Variants in PTPN3 observed in about 807,000 individuals in gnomAD.
The protein encoded by PTPN3 is tyrosine-protein phosphatase non-receptor type 3.
A neutral mutation model predicts 132.7 loss-of-function variants in PTPN3; 96 were observed. The ratio of observed to expected loss-of-function variants is 0.72; its 90% CI spans 0.61 to 0.86. The LOEUF is 0.86. Among genes scored for constraint, PTPN3 ranks in the 40% least tolerant of loss-of-function variants. The probability of loss-of-function intolerance (pLI) is 0.00; values close to 1 mark genes in which losing one functional copy is unlikely to be tolerated. For missense variants in PTPN3, 1,125 were observed against 1,159.6 expected (o/e 0.97, Z 0.43); for synonymous variants, 398 against 429.0 (o/e 0.93, Z 0.89).
At chr9:109,459,715 T>C (rs1845746785) in intron 2 of PTPN3, among the ~76,000 whole-genome samples, 1 of 152,098 alleles carries the variant, frequency 6.6e-6, no homozygotes, top group Non-Finnish European at 1.5e-5. Context: ...GCACCCAGCC[T>C]GTTGTAAGGC....
chr9:109,458,617 T>A (rs570809321), intron 2 of PTPN3, among the ~76,000 whole-genome samples: 2 of 152,244 alleles, frequency 1.3e-5, no homozygotes, highest in African/African-American at 2.4e-5. Context: ...CTCAGATTAT[T>A]CGGTCTGAAG....
chr9:109,450,475 A>G (rs1845176570), intron 5 of PTPN3: 1 of 983,770 alleles, frequency 1.0e-6, no homozygotes, highest in African/African-American at 1.7e-5. Flanking sequence ...GATATAAATG[A>G]GAAGATAAAC....
rs201367718 is a variant in PTPN3 at position 109,409,969 on chromosome 9, C to T, written c.1578+30G>A. 4.2e-5 allele frequency: 67 copies of T among 1,610,452 alleles called. No individual in the cohort carries two copies. In the African/African-American group the frequency reaches 8.5e-4, roughly 21 times the overall value. ...CTCATTGAAAGATTGCTTCCCAGCA[C>T]AAAACTTCCTTTATAAATACACAAC... On this transcript the variant is annotated intron_variant, in intron 16 of 25. Transcript: ENST00000374541.
At chr9:109,406,342 T>A in intron 18 of PTPN3, 120 bp downstream of exon 18, 12 of 1,296,012 alleles carry the variant, frequency 9.3e-6, no homozygotes, top group Non-Finnish European at 1.3e-5. Flanking sequence ...TACCTGAAGA[T>A]TCTTGATTTT....
At chr9:109,415,766 A>T (rs552075276) in intron 14 of PTPN3, among the ~76,000 whole-genome samples, 16 of 152,260 alleles carry the variant, frequency 1.1e-4, no homozygotes, top group African/African-American at 3.4e-4. Flanking sequence ...GGAGTGAGGG[A>T]CGACTGATGT....
At chr9:109,496,100 A>G (rs542832116) in intron 1 of PTPN3, among the ~76,000 whole-genome samples, 1 of 152,354 alleles carries the variant, frequency 6.6e-6, no homozygotes, top group African/African-American at 2.4e-5. Context: ...ATTTGCATAT[A>G]TGAGTCCTTT....
At chr9:109,454,207 A>G (rs962619529) in intron 5 of PTPN3, among the ~76,000 whole-genome samples, 1 of 152,110 alleles carries the variant, frequency 6.6e-6, no homozygotes, top group Non-Finnish European at 1.5e-5. Flanking sequence ...TTCAGCAGGC[A>G]GGAGAGGCCA....
intron 19 of PTPN3, chr9:109,397,844 G>GCA (rs1386322241): frequency 6.6e-6 from 1 of 152,172 alleles, no homozygotes; most frequent in Non-Finnish European, 1.5e-5. Context: ...TGTAAAGGCT[G>GCA]CACACACGGT....
chr9:109,531,080 A>C, the PTPN3 span, among the ~76,000 whole-genome samples: 1 of 152,180 alleles, frequency 6.6e-6, no homozygotes, highest in Non-Finnish European at 1.5e-5. Flanking sequence ...GACAAAGCCC[A>C]ATTTGTCTAT....
intron 19 of PTPN3, among the ~76,000 whole-genome samples, chr9:109,396,870 T>C (rs1840644381): frequency 6.6e-6 from 1 of 152,182 alleles, no homozygotes; most frequent in South Asian, 2.1e-4. Context: ...ATCAGGTGAC[T>C]CTAATCTCCT....
upstream of PTPN3, among the ~76,000 whole-genome samples, chr9:109,500,862 G>A (rs568207468): frequency 1.6e-4 from 24 of 151,590 alleles, no homozygotes; most frequent in Non-Finnish European, 3.2e-4. Flanking sequence ...GGAAGGTCAA[G>A]GCTGCAGTGA....
At chr9:109,457,502 T>C in intron 2 of PTPN3, 103 bp from the exon 3 acceptor site, 1 of 840,494 alleles carries the variant, frequency 1.2e-6, no homozygotes, top group South Asian at 1.7e-5. Context: ...AGAAATGCTA[T>C]GCACACACAC....
intron 9 of PTPN3, among the ~76,000 whole-genome samples, chr9:109,433,380 T>C (rs1440936093): frequency 6.6e-6 from 1 of 152,208 alleles, no homozygotes; most frequent in African/African-American, 2.4e-5. Flanking sequence ...TCAAGCAACA[T>C]GTGGGTGCCA....
chr9:109,475,437 A>G (rs1846611096), intron 1 of PTPN3, among the ~76,000 whole-genome samples: 1 of 152,234 alleles, frequency 6.6e-6, no homozygotes, highest in Admixed American at 6.5e-5. Context: ...AAGCAAAAAT[A>G]TGTAAAGCTC....
At chr9:109,527,007 A>G in the PTPN3 span, among the ~76,000 whole-genome samples, 1 of 152,254 alleles carries the variant, frequency 6.6e-6, no homozygotes, top group Non-Finnish European at 1.5e-5. Flanking sequence ...ACAAAAAGTC[A>G]TAATGAATCA....
rs192583694 is a variant in PTPN3 at position 109,387,902 on chromosome 9, C to T, written c.2253+1331G>A. Among the ~76,000 whole-genome samples the T allele has an allele frequency of 9.2e-5, 14 of 152,252 alleles. 1 individual carries two copies. The highest frequency in any genetic ancestry group is 2.0e-4 in the Admixed American group (3 of 15,302). ...CCTCAAGGGAGAGCACAAAGAAAAA[C>T]ATTTTGGGTGGGAATTTAAAAAGGG... On this transcript the variant is annotated intron_variant, in intron 22 of 25. Transcript: ENST00000374541.
intron 19 of PTPN3, among the ~76,000 whole-genome samples, chr9:109,401,071 T>A (rs755413025): frequency 8.5e-5 from 13 of 152,212 alleles, no homozygotes; most frequent in Non-Finnish European, 1.9e-4. Flanking sequence ...TGCAAATGAT[T>A]TTATTAAAAA....
At chr9:109,438,029 A>G in intron 8 of PTPN3, 85 bp downstream of exon 8, 1 of 1,424,898 alleles carries the variant, frequency 7.0e-7, no homozygotes, top group Non-Finnish European at 9.4e-7. Flanking sequence ...CACAAAAGAA[A>G]GAGGCTGCAT....
intron 12 of PTPN3, among the ~76,000 whole-genome samples, chr9:109,424,295 G>A (rs557808412): frequency 3.9e-5 from 6 of 152,348 alleles, no homozygotes; most frequent in Admixed American, 2.0e-4. Flanking sequence ...CTAAGCCTCA[G>A]TGTCCTCATC....
Sources: gnomAD v4.1 joint callset for allele counts (sites outside exome capture counted in the v4.1 genomes callset) on GRCh38, gnomAD v4.1.1 for gene constraint, MANE v1.5 for transcripts, NCBI Gene and HGNC (gene_info 2026-07-23, HGNC 2026-07-21) for gene names.